Variants in DYNC1LI2 observed in about 807,000 individuals in gnomAD.
The protein encoded by DYNC1LI2 is cytoplasmic dynein 1 light intermediate chain 2.
A neutral mutation model predicts 57.8 loss-of-function variants in DYNC1LI2; 19 were observed. That is an observed-to-expected ratio of 0.33 (90% CI 0.23 to 0.48). The LOEUF (loss-of-function observed/expected upper bound fraction) is 0.48, where lower values mean the gene tolerates loss of function less well. DYNC1LI2 is among the 20% of genes least tolerant of loss of function. The pLI, the probability that DYNC1LI2 is intolerant of heterozygous loss-of-function variation, is 0.99. For missense variants in DYNC1LI2, 470 were observed against 604.2 expected, an observed-to-expected ratio of 0.78 and a Z score of 2.33; for synonymous variants, 256 against 233.4, an observed-to-expected ratio of 1.10 and a Z score of -0.88.
chr16:66,725,757 G>A, intron 12 of DYNC1LI2, 71 bp downstream of exon 12: 1 of 1,482,786 alleles, frequency 6.7e-7, no homozygotes, highest in Non-Finnish European at 9.3e-7. Flanking sequence ...CTGCAGGGCA[G>A]GTGTCTGCCT....
chr16:66,750,667 C>A (rs2018027760), intron 2 of DYNC1LI2, among the ~76,000 whole-genome samples: 1 of 152,148 alleles, frequency 6.6e-6, no homozygotes, highest in Non-Finnish European at 1.5e-5. Flanking sequence ...CTATGCTGAG[C>A]CTGTGCCCAG....
rs985645185 is a variant in DYNC1LI2, at chr16:66,732,470, T to C, written c.798A>G (p.Gly266=). The C allele has an allele frequency of 1.2e-6, 2 of 1,609,384 alleles. No individual in the cohort carries two copies. The highest frequency in any genetic ancestry group is 1.7e-6 in the Non-Finnish European group (2 of 1,179,212). The part of the protein sequence containing the change: ...SHLRRFCLQY[G]AALIYTSVKE... ...TCACTGATGTGTAAATCAAGGCAGC[T>C]CCATCTAATCAATCTGCTCAAGAAA... Residue 266 remains glycine, a synonymous_variant, in exon 7 of 13, where the codon GGA becomes GGG. Transcript: ENST00000258198.
intron 11 of DYNC1LI2, among the ~76,000 whole-genome samples, chr16:66,726,681 AC>A (rs1291098590): frequency 6.6e-6 from 1 of 152,090 alleles, no homozygotes; most frequent in Non-Finnish European, 1.5e-5. Context: ...TTGCTCTGTC[AC>A]CCAGGCTGGA....
chr16:66,739,560 G>A (rs1056295405), intron 4 of DYNC1LI2, among the ~76,000 whole-genome samples: 1 of 152,012 alleles, frequency 6.6e-6, no homozygotes, highest in Non-Finnish European at 1.5e-5. Flanking sequence ...GTCTGCCTCC[G>A]AGTAGCCAGG....
Position 66,728,252 on chromosome 16 carries a change from G to A in DYNC1LI2, c.1102-10C>T, listed in dbSNP as rs1413760002. On this transcript the variant is annotated splice_polypyrimidine_tract_variant and intron_variant, in intron 9 of 12. Transcript: ENST00000258198. ...GCTTGGCAAGGAGTGACTGCAAAGA[G>A]AGGGACAAACTGGCTATTAACCAAG... is the stretch of plus-strand genomic sequence containing the variant. The A allele has an allele frequency of 6.2e-7, 1 of 1,614,000 alleles. No individual in the cohort carries two copies. Among genetic ancestry groups the A allele is most frequent in the African/African-American group, 1.3e-5 (1 of 74,920 alleles).
chr16:66,748,571 T>C (rs1049033454), intron 3 of DYNC1LI2, among the ~76,000 whole-genome samples: 8 of 152,036 alleles, frequency 5.3e-5, no homozygotes, highest in Non-Finnish European at 1.2e-4. Flanking sequence ...TTTCTTTCAT[T>C]CTTTCTTTTT....
At chr16:66,737,961 GAAGGATCA>G (rs779113219) in intron 4 of DYNC1LI2, among the ~76,000 whole-genome samples, 14 of 152,292 alleles carry the variant, frequency 9.2e-5, no homozygotes, top group Non-Finnish European at 1.6e-4. Context: ...CAGTAAGACT[GAAGGATCA>G]AAGGCCTTTT....
chr16:66,748,695 C>G (rs1209146770), intron 3 of DYNC1LI2, among the ~76,000 whole-genome samples: 2 of 152,166 alleles, frequency 1.3e-5, no homozygotes, highest in Non-Finnish European at 2.9e-5. Flanking sequence ...TCCTGAGTAG[C>G]TGCGATTATG....
intron 4 of DYNC1LI2, among the ~76,000 whole-genome samples, chr16:66,740,858 C>A (rs1461714493): frequency 6.6e-6 from 1 of 152,244 alleles, no homozygotes; most frequent in East Asian, 1.9e-4. Flanking sequence ...ACTACCTACA[C>A]CTCCAGATTT....
At chr16:66,746,432 G>C (rs564690700) in intron 3 of DYNC1LI2, among the ~76,000 whole-genome samples, 1 of 152,070 alleles carries the variant, frequency 6.6e-6, no homozygotes, top group South Asian at 2.1e-4. Context: ...GAAAGACTAG[G>C]GCTGGAAAAT....
At chr16:66,730,248 A>C in intron 7 of DYNC1LI2, 25 bp from the exon 8 acceptor site, 1 of 1,601,398 alleles carries the variant, frequency 6.2e-7, no homozygotes, top group Non-Finnish European at 8.5e-7. Flanking sequence ...AGAGGGACTG[A>C]ATTGCTTTTC....
chr16:66,730,140 T>A lies in DYNC1LI2; in HGVS notation c.1013A>T (p.Asp338Val). The change falls in exon 8 of 13, where the codon GAC (aspartate) becomes GTC (valine). Residue 338 changes from aspartate (D) to valine (V), a missense_variant. Physicochemically the swap from Asp to Val is radical, Grantham distance 152. Transcript: ENST00000258198. ...TTVKPEDAYE[D>V]FIVKPPVRKL... ...TCTCACGGGAGGTTTCACAATAAAG[T>A]CTTCATATGCATCTTCCGGCTTCAC... 3.7e-6 allele frequency: 6 copies of A among 1,613,960 alleles called. No individual in the cohort carries two copies. The highest frequency in any genetic ancestry group is 4.2e-6 in the Non-Finnish European group (5 of 1,179,966).
At chr16:66,729,541 T>C (rs1156958148) in intron 8 of DYNC1LI2, among the ~76,000 whole-genome samples, 1 of 151,026 alleles carries the variant, frequency 6.6e-6, no homozygotes, top group Non-Finnish European at 1.5e-5. Context: ...CCCCACAAAC[T>C]ATACAATGTG....
In DYNC1LI2 at chr16:66,751,393, T is replaced by C; in HGVS notation, c.108-47A>G. 6.3e-7 allele frequency: 1 copy of C among 1,598,588 alleles called. No individual in the cohort carries two copies. The highest frequency in any genetic ancestry group is 1.4e-5 in the African/African-American group (1 of 72,426). On this transcript the variant is annotated intron_variant, in intron 1 of 12. Transcript: ENST00000258198. This position sits in a 1 kb window ranked among gnomAD's most constrained non-coding sequence, Gnocchi z 5.2. ...TGGTCAGCCCCGGGCCGGGCTGGGA[T>C]GGCCCGGCTCGCGTCGGCCCCTCAG...
Position 66,721,425 on chromosome 16 carries a change from G to A in DYNC1LI2, c.*2297C>T, listed in dbSNP as rs2017449935. On this transcript the variant is annotated 3_prime_UTR_variant, in exon 13 of 13. Coordinates refer to ENST00000258198, the MANE Select transcript of DYNC1LI2 (RefSeq NM_006141.3). ...TTGTCTTTAACAGTCTACCATACAA[G>A]TGTACTCTGCAAATAAAATGAATTT... The A allele has an allele frequency of 6.6e-6, 1 of 152,424 alleles. No individual in the cohort carries two copies. 9.4% of individuals were successfully genotyped at this position (152,424 alleles called of 1,614,324 possible). A position where few individuals can be genotyped will look rare whatever the true frequency, so the allele number is the denominator to read the frequency against.
intron 3 of DYNC1LI2, among the ~76,000 whole-genome samples, chr16:66,746,174 G>A (rs1379140595): frequency 6.6e-6 from 1 of 151,564 alleles, no homozygotes; most frequent in African/African-American, 2.4e-5. Context: ...GGGTTTTAAT[G>A]CCTACCCATC....
intron 3 of DYNC1LI2, among the ~76,000 whole-genome samples, chr16:66,746,393 A>G (rs2017936141): frequency 6.6e-6 from 1 of 152,178 alleles, no homozygotes; most frequent in Non-Finnish European, 1.5e-5. Flanking sequence ...CAAAGTGTAT[A>G]TTTATAACTC....
chr16:66,742,066 T>G (rs751317667), intron 4 of DYNC1LI2, among the ~76,000 whole-genome samples: 1 of 152,092 alleles, frequency 6.6e-6, no homozygotes, highest in Non-Finnish European at 1.5e-5. Flanking sequence ...GGCAGTAAAC[T>G]CAAGCTGCAG....
intron 3 of DYNC1LI2, among the ~76,000 whole-genome samples, chr16:66,743,708 G>A (rs2017883095): frequency 6.6e-6 from 1 of 152,152 alleles, no homozygotes. Flanking sequence ...GAGCTGTGCT[G>A]AAGAGCCTAT....
Sources: allele counts gnomAD v4.1 joint callset (sites outside exome capture counted in the v4.1 genomes callset), GRCh38; gene constraint gnomAD v4.1.1; non-coding constraint Gnocchi (gnomAD v3.1); transcripts MANE v1.5; gene names NCBI Gene and HGNC (gene_info 2026-07-23, HGNC 2026-07-21).